The following ZC3H6 variants were observed in gnomAD, a reference collection of about 807,000 sequenced individuals.
ZC3H6 encodes the protein zinc finger CCCH-type containing 6, also known as zinc finger CCCH domain-containing protein 6.
A neutral mutation model predicts 107.7 loss-of-function variants in ZC3H6; 40 were observed. The ratio of observed to expected loss-of-function variants is 0.37; its 90% CI spans 0.29 to 0.48. ZC3H6 has a LOEUF of 0.48. Among genes scored for constraint, ZC3H6 ranks in the 20% least tolerant of loss-of-function variants. The pLI is 0.98. For missense variants in ZC3H6, 1,267 were observed against 1,410.4 expected, an observed-to-expected ratio of 0.90 and a Z score of 1.63; for synonymous variants, 493 against 487.9, an observed-to-expected ratio of 1.01 and a Z score of -0.14.
At chr2:112,297,495 T>C (rs914078710) in intron 1 of ZC3H6, among the ~76,000 whole-genome samples, 1 of 152,246 alleles carries the variant, frequency 6.6e-6, no homozygotes, top group African/African-American at 2.4e-5. Flanking sequence ...TTTGGAAGTA[T>C]GATTAAATGT....
chr2:112,304,288 T>A (rs893791077), intron 3 of ZC3H6, among the ~76,000 whole-genome samples: 2 of 152,220 alleles, frequency 1.3e-5, no homozygotes, highest in African/African-American at 4.8e-5. Flanking sequence ...AACAAAAGAA[T>A]ACATAATGTA....
chr2:112,297,920 G>A (rs574081273), intron 1 of ZC3H6, among the ~76,000 whole-genome samples: 94 of 152,292 alleles, frequency 6.2e-4, no homozygotes, highest in Non-Finnish European at 7.1e-4. Context: ...TTTGAGACCA[G>A]TCTGGCCAAC....
At chr2:112,310,807 G>C (rs4456711) in intron 4 of ZC3H6, among the ~76,000 whole-genome samples, 77,565 of 152,008 alleles carry the variant, frequency 0.51, 21,982 homozygotes, top group East Asian at 0.77. Context: ...AAGTAGTGAG[G>C]AGCCACACTC....
intron 1 of ZC3H6, among the ~76,000 whole-genome samples, chr2:112,287,703 G>A (rs527354351): frequency 1.3e-5 from 2 of 152,292 alleles, no homozygotes; most frequent in African/African-American, 4.8e-5. Context: ...CCGGGTTCAC[G>A]CTATTGTCCT....
At chr2:112,307,000 T>C (rs1676488510) in intron 3 of ZC3H6, among the ~76,000 whole-genome samples, 1 of 152,238 alleles carries the variant, frequency 6.6e-6, no homozygotes, top group African/African-American at 2.4e-5. Flanking sequence ...TTGTTAGCTG[T>C]CTGATGTCTA....
In ZC3H6 at chr2:112,332,567, T is replaced by C. The variant is rs1677058944; in HGVS notation, c.*79T>C. On this transcript the variant is annotated 3_prime_UTR_variant, in exon 12 of 12. Coordinates refer to ENST00000409871, the MANE Select transcript of ZC3H6 (RefSeq NM_198581.3). ...CTGTTTTGTAACTGGTTTACCTCTA[T>C]AGTTTATTTATTTTTAAATTATAAA... is the stretch of plus-strand genomic sequence containing the variant. 2.2e-6 allele frequency: 3 copies of C among 1,374,810 alleles called. No individual in the cohort carries two copies. The South Asian group carries it at 4.6e-5, about 21-fold the overall frequency. 85.2% of individuals were successfully genotyped at this position (1,374,810 alleles called of 1,614,324 possible).
chr2:112,277,906 G>A (rs2104688759), intron 1 of ZC3H6, among the ~76,000 whole-genome samples: 1 of 152,154 alleles, frequency 6.6e-6, no homozygotes, highest in South Asian at 2.1e-4. Flanking sequence ...ACCTTCCCTG[G>A]GGAACTTTTT....
In ZC3H6 at chr2:112,331,046, G is replaced by A. The variant is rs201797898; in HGVS notation, c.2128G>A (p.Gly710Arg). The A allele has an allele frequency of 1.9e-6, 3 of 1,563,182 alleles. No individual in the cohort carries two copies. The highest frequency in any genetic ancestry group is 2.7e-5 in the African/African-American group (2 of 73,514). ...NWYSSSEEEE[G>R]SSVKSILKTL... ...GTATTCCAGTAGTGAAGAGGAAGAA[G>A]GAAGCAGTGTCAAATCAATACTGAA... The change falls in exon 12 of 12, where the codon GGA (glycine) becomes AGA (arginine). Residue 710 changes from glycine to arginine, a missense_variant. Around this residue, in one of 3 missense-constraint regions of ZC3H6, gnomAD observed 925 missense variants for 1,025.7 expected, o/e 0.90. Transcript: ENST00000409871.
chr2:112,293,172 G>A (rs1175569992), intron 1 of ZC3H6, among the ~76,000 whole-genome samples: 1 of 152,092 alleles, frequency 6.6e-6, no homozygotes, highest in African/African-American at 2.4e-5. Flanking sequence ...AATTCCAAAG[G>A]TTGTCATAGG....
At chr2:112,288,434 A>G (rs532819009) in intron 1 of ZC3H6, among the ~76,000 whole-genome samples, 1 of 152,340 alleles carries the variant, frequency 6.6e-6, no homozygotes, top group East Asian at 1.9e-4. Context: ...ACTAGGTGGT[A>G]CAGTGCTAGG....
chr2:112,280,469 C>T (rs1686507255), intron 1 of ZC3H6, among the ~76,000 whole-genome samples: 2 of 152,146 alleles, frequency 1.3e-5, no homozygotes, highest in African/African-American at 2.4e-5. Context: ...TTTCATTCCT[C>T]AGACTTAACA....
At position 112,280,862 on chromosome 2, in the gene ZC3H6, G is replaced by C. The variant is rs1686513690; in HGVS notation, c.32+4836G>C. 2.6e-5 allele frequency among the ~76,000 whole-genome samples: 4 copies of C among 152,164 alleles called. No homozygotes were observed. The South Asian group carries it at 8.3e-4, about 32-fold the overall frequency. On this transcript the variant is annotated intron_variant, in intron 1 of 11. Coordinates refer to ENST00000409871, the MANE Select transcript of ZC3H6 (RefSeq NM_198581.3). ...TTTGGGGCCAGACCCTGAAGGATGT[G>C]GGGATCCCATCAAAGTCTTTTAAGC...
Position 112,337,343 on chromosome 2 carries a change from C to T in ZC3H6, c.*4855C>T, listed in dbSNP as rs899264398. The T allele has an allele frequency of 4.0e-5, 6 of 150,106 alleles. No individual in the cohort carries two copies. The highest frequency in any genetic ancestry group is 3.9e-4 in the East Asian group (2 of 5,132). The allele number at this position is 150,106 out of a possible 1,614,324, so 9.3% of individuals were successfully genotyped here. On this transcript the variant is annotated 3_prime_UTR_variant, in exon 12 of 12. Transcript: ENST00000409871. ...AATTTGTTGTTGTTTTTGTTTGAGA[C>T]AGAGTCTTCATTCTTGTTGCCCAGG...
intron 1 of ZC3H6, among the ~76,000 whole-genome samples, chr2:112,289,572 G>A (rs1414995442): frequency 6.6e-6 from 1 of 150,554 alleles, no homozygotes; most frequent in South Asian, 2.1e-4. Flanking sequence ...TGATCCGCCT[G>A]CCTCGGCCTC....
At chr2:112,293,189 GA>G in intron 1 of ZC3H6, among the ~76,000 whole-genome samples, 1 of 152,266 alleles carries the variant, frequency 6.6e-6, no homozygotes, top group East Asian at 1.9e-4. Flanking sequence ...TAGGACTATG[GA>G]GGCCATTAGG....
rs112414903 is a variant in ZC3H6, at chr2:112,282,544, G to A, written c.32+6518G>A. 5.9e-3 allele frequency among the ~76,000 whole-genome samples: 896 copies of A among 152,292 alleles called. 8 individuals are homozygous for A. The highest frequency in any genetic ancestry group is 0.02 in the African/African-American group (851 of 41,554). On this transcript the variant is annotated intron_variant, in intron 1 of 11. Coordinates refer to ENST00000409871, the MANE Select transcript of ZC3H6 (RefSeq NM_198581.3). ...CACCCTTTCTACAGATGAGGAAACAGACAACAGATTGGTAAGTTTCCCAAG... is the reference window on the plus strand; with the variant it reads ...CACCCTTTCTACAGATGAGGAAACAAACAACAGATTGGTAAGTTTCCCAAG...
chr2:112,288,524 C>G (rs1478446011), intron 1 of ZC3H6, among the ~76,000 whole-genome samples: 4 of 152,204 alleles, frequency 2.6e-5, no homozygotes, highest in African/African-American at 9.7e-5. Context: ...GACAAGGAAA[C>G]TGAATGTTAG....
chr2:112,283,048 C>T lies in ZC3H6; in HGVS notation c.32+7022C>T, dbSNP rs192417537. On this transcript the variant is annotated intron_variant, in intron 1 of 11. Transcript: ENST00000409871. ...TGCATGTTAGTATCTTAAATTTAGT[C>T]CTATCTTTTGCTTGATCCTCTGGGC... Among the ~76,000 whole-genome samples, 18 of 152,118 alleles carry T rather than the reference C, an allele frequency of 1.2e-4. No individual in the cohort carries two copies. In the East Asian group the frequency reaches 2.3e-3, roughly 20 times the overall value.
chr2:112,279,187 T>A (rs902252212), intron 1 of ZC3H6, among the ~76,000 whole-genome samples: 4 of 152,198 alleles, frequency 2.6e-5, no homozygotes, highest in African/African-American at 9.7e-5. Context: ...ATAATTCTGG[T>A]CTCTCGTCGT....
Sources: allele counts gnomAD v4.1 joint callset (sites outside exome capture counted in the v4.1 genomes callset), GRCh38; gene constraint gnomAD v4.1.1; regional missense constraint gnomAD v4.1.1; transcripts MANE v1.5; gene names NCBI Gene and HGNC (gene_info 2026-07-23, HGNC 2026-07-21).